Variants in TPTE observed in about 807,000 individuals in gnomAD.
TPTE encodes putative tyrosine-protein phosphatase TPTE.
Under a neutral mutation model 84.1 loss-of-function variants are expected in TPTE, and 59 were observed. The ratio of observed to expected loss-of-function variants is 0.70; its 90% CI spans 0.57 to 0.87. TPTE has a LOEUF of 0.87. TPTE is among the 40% of genes least tolerant of loss of function. The pLI is 0.00. For synonymous variants in TPTE, 130 were observed against 223.5 expected, an observed-to-expected ratio of 0.58 and a Z score of 3.73; for missense variants, 382 against 659.6, an observed-to-expected ratio of 0.58 and a Z score of 4.61.
chr21:10,528,277 T>C (rs1429028138), intron 3 of TPTE, among the ~76,000 whole-genome samples: 2 of 152,310 alleles, frequency 1.3e-5, no homozygotes, highest in Middle Eastern at 3.2e-3. Context: ...CTCCAATGAA[T>C]TGACATCAGA....
intron 14 of TPTE, among the ~76,000 whole-genome samples, chr21:10,573,751 A>G (rs2075092690): frequency 6.6e-6 from 1 of 152,312 alleles, no homozygotes; most frequent in Non-Finnish European, 1.5e-5. Flanking sequence ...GATTTTTTAA[A>G]TGAAAGGAAA....
At chr21:10,523,580 T>G (rs1462557392) in intron 1 of TPTE, among the ~76,000 whole-genome samples, 2 of 152,304 alleles carry the variant, frequency 1.3e-5, no homozygotes, top group East Asian at 1.9e-4. Flanking sequence ...GATAGTTTAC[T>G]GAGAATGATT....
chr21:10,524,910 T>C (rs1352534018), intron 2 of TPTE, among the ~76,000 whole-genome samples: 1 of 152,308 alleles, frequency 6.6e-6, no homozygotes, highest in South Asian at 2.1e-4. Context: ...AATAGAAAAA[T>C]AATTCGATAG....
intron 7 of TPTE, among the ~76,000 whole-genome samples, 153 bp from the exon 8 acceptor site, chr21:10,552,504 C>G (rs1165924322): frequency 6.6e-6 from 1 of 152,304 alleles, no homozygotes; most frequent in Non-Finnish European, 1.5e-5. Flanking sequence ...TTGTAATTTT[C>G]TCTCTTAAAT....
chr21:10,572,963 T>C (rs1199082739), intron 14 of TPTE, among the ~76,000 whole-genome samples: 1 of 151,844 alleles, frequency 6.6e-6, no homozygotes. Context: ...ATGAACAAAA[T>C]GACAGGATAA....
chr21:10,566,810 C>G (rs2074930358), intron 10 of TPTE, among the ~76,000 whole-genome samples: 2 of 152,300 alleles, frequency 1.3e-5, no homozygotes, highest in Admixed American at 6.5e-5. Context: ...AACCCCATCT[C>G]TACTAAAAAT....
At chr21:10,573,479 A>G (rs1362815671) in intron 14 of TPTE, among the ~76,000 whole-genome samples, 1 of 152,312 alleles carries the variant, frequency 6.6e-6, no homozygotes, top group African/African-American at 2.4e-5. Context: ...ATTTAAGCTT[A>G]CAGATAGGAA....
intron 8 of TPTE, among the ~76,000 whole-genome samples, chr21:10,554,863 T>G (rs1319262139): frequency 1.3e-5 from 2 of 152,310 alleles, no homozygotes; most frequent in African/African-American, 2.4e-5. Context: ...CATAGTTTTT[T>G]CAGCATGAAC....
chr21:10,545,811 G>GTA (rs1398804441), intron 7 of TPTE, among the ~76,000 whole-genome samples: 1 of 151,670 alleles, frequency 6.6e-6, no homozygotes, highest in African/African-American at 2.4e-5. Context: ...TTAAATGTGT[G>GTA]TATATATATC....
chr21:10,541,588 A>G (rs2074370600), intron 5 of TPTE, among the ~76,000 whole-genome samples: 1 of 152,312 alleles, frequency 6.6e-6, no homozygotes, highest in Non-Finnish European at 1.5e-5. Flanking sequence ...TGTTTCTTTG[A>G]CACAGGTTCT....
intron 8 of TPTE, among the ~76,000 whole-genome samples, chr21:10,556,949 T>C (rs1390910661): frequency 6.6e-6 from 1 of 152,312 alleles, no homozygotes; most frequent in Non-Finnish European, 1.5e-5. Flanking sequence ...ATTAGTCCTT[T>C]GTCAGATGAG....
rs2044066231 is a variant in TPTE, at chr21:10,543,363, G to T, written c.154G>T (p.Val52Leu). Residue 52 changes from valine to leucine, a missense_variant, in exon 7 of 24, where the codon GTG becomes TTG. Transcript: ENST00000618007. ...HTSEFKGAAR[V>L]SPISESVLAR... ...AAGTGAATTTAAAGGAGCAGCCCGG[G>T]TGTCACCTATCAGTGAAAGGTGAGT... 1.2e-6 allele frequency: 2 copies of T among 1,614,074 alleles called. No homozygotes were observed. The highest frequency in any genetic ancestry group is 1.7e-6 in the Non-Finnish European group (2 of 1,179,888).
intron 14 of TPTE, among the ~76,000 whole-genome samples, chr21:10,576,029 G>C (rs1163917788): frequency 2.0e-5 from 3 of 152,406 alleles, no homozygotes; most frequent in Admixed American, 2.0e-4. Context: ...ATTCCTCAAA[G>C]ACCTAGAGGC....
chr21:10,545,816 TATATCTATATATAC>T (rs1440343907), intron 7 of TPTE, among the ~76,000 whole-genome samples: 14 of 151,706 alleles, frequency 9.2e-5, no homozygotes, highest in African/African-American at 2.4e-4. Flanking sequence ...TGTGTGTATA[TATATCTATATATAC>T]ATATCTATAT....
At chr21:10,575,460 T>A (rs1414242175) in intron 14 of TPTE, among the ~76,000 whole-genome samples, 1 of 152,308 alleles carries the variant, frequency 6.6e-6, no homozygotes, top group African/African-American at 2.4e-5. Context: ...ATACAGGTGG[T>A]CTGGAGGAGG....
At chr21:10,579,489 T>TA (rs1316603489) in intron 17 of TPTE, among the ~76,000 whole-genome samples, 5 of 152,294 alleles carry the variant, frequency 3.3e-5, no homozygotes, top group Admixed American at 2.0e-4. Context: ...AAACTCCATC[T>TA]AAAAAAATAA....
intron 3 of TPTE, among the ~76,000 whole-genome samples, chr21:10,531,506 T>A (rs888694402): frequency 6.6e-6 from 1 of 152,306 alleles, no homozygotes; most frequent in Non-Finnish European, 1.5e-5. Context: ...AAACCTCTTT[T>A]CTTTATAAAT....
intron 4 of TPTE, among the ~76,000 whole-genome samples, chr21:10,539,670 CAA>C (rs1188824486): frequency 6.6e-6 from 1 of 152,308 alleles, no homozygotes; most frequent in Admixed American, 6.5e-5. Context: ...TCCAAAGAAC[CAA>C]ATACACACAT....
intron 3 of TPTE, among the ~76,000 whole-genome samples, chr21:10,529,029 C>T (rs1280122457): frequency 3.3e-5 from 5 of 152,182 alleles, no homozygotes; most frequent in Non-Finnish European, 5.9e-5. Context: ...ACTAAAAATA[C>T]AAAAATTAGC....
Sources: allele counts gnomAD v4.1 joint callset (sites outside exome capture counted in the v4.1 genomes callset), GRCh38; gene constraint gnomAD v4.1.1; transcripts MANE v1.5; gene names NCBI Gene and HGNC (gene_info 2026-07-23, HGNC 2026-07-21).